Variants in LINGO2 observed in about 807,000 individuals in gnomAD.
LINGO2 encodes leucine-rich repeat and immunoglobulin-like domain-containing nogo receptor-interacting protein 2.
In LINGO2, 14 loss-of-function variants were observed where a neutral mutation model predicts 30.6. That is an observed-to-expected ratio of 0.46 (90% CI 0.30 to 0.72). The LOEUF is 0.72. Among genes scored for constraint, LINGO2 ranks in the 30% least tolerant of loss-of-function variants. LINGO2 has a pLI of 0.07. For synonymous variants in LINGO2, 317 were observed against 288.5 expected (o/e 1.10, Z -1.00); for missense variants, 729 against 751.7 (o/e 0.97, Z 0.35).
chr9:28,862,839 A>G, the LINGO2 span, among the ~76,000 whole-genome samples: 2 of 152,256 alleles, frequency 1.3e-5, no homozygotes, highest in Admixed American at 6.5e-5. Context: ...ATCAGTTATT[A>G]AAATAGTTAA....
chr9:27,952,518 T>C (rs1359608945), intron 5 of LINGO2, among the ~76,000 whole-genome samples: 1 of 151,910 alleles, frequency 6.6e-6, no homozygotes, highest in African/African-American at 2.4e-5. Context: ...TGAAAACACC[T>C]GCCATACAAT....
intron 4 of LINGO2, among the ~76,000 whole-genome samples, chr9:28,032,633 C>T (rs1823737655): frequency 6.6e-6 from 1 of 152,176 alleles, no homozygotes; most frequent in Non-Finnish European, 1.5e-5. Flanking sequence ...CACTGAGACC[C>T]AAAATGTTCA....
intron 4 of LINGO2, among the ~76,000 whole-genome samples, chr9:28,057,596 T>TATATACACATATATGTATATACATAG: frequency 6.8e-6 from 1 of 147,102 alleles, no homozygotes; most frequent in Admixed American, 6.9e-5. Flanking sequence ...TATATACATA[T>TATATACACATATATGTATATACATAG]ATATACACAT....
intron 4 of LINGO2, among the ~76,000 whole-genome samples, chr9:28,177,841 A>G (rs138409337): frequency 0.021 from 3,218 of 152,270 alleles, 68 homozygotes; most frequent in Middle Eastern, 0.037. Flanking sequence ...CAAATAGTGG[A>G]TGATTTAGAG....
chr9:28,567,128 A>C (rs548601647), intron 1 of LINGO2, among the ~76,000 whole-genome samples: 35 of 152,258 alleles, frequency 2.3e-4, no homozygotes, highest in African/African-American at 7.7e-4. Flanking sequence ...TTTTGCATTT[A>C]AAAAGGCAGC....
chr9:28,916,421 A>C, the LINGO2 span, among the ~76,000 whole-genome samples: 1 of 152,290 alleles, frequency 6.6e-6, no homozygotes, highest in Non-Finnish European at 1.5e-5. Flanking sequence ...TTCTCTCTGA[A>C]GCCGGCTACC....
intron 4 of LINGO2, among the ~76,000 whole-genome samples, chr9:28,131,767 C>A (rs1371569421): frequency 6.6e-6 from 1 of 152,122 alleles, no homozygotes; most frequent in Non-Finnish European, 1.5e-5. Context: ...AGTTCTTCAG[C>A]TGGAACAAAT....
At chr9:28,604,810 G>C (rs1187275113) in intron 1 of LINGO2, among the ~76,000 whole-genome samples, 3 of 151,952 alleles carry the variant, frequency 2.0e-5, no homozygotes, top group African/African-American at 7.2e-5. Context: ...TGTACATATA[G>C]AGAGACCTAA....
At chr9:28,762,947 C>A in the LINGO2 span, among the ~76,000 whole-genome samples, 2 of 152,104 alleles carry the variant, frequency 1.3e-5, no homozygotes, top group South Asian at 4.1e-4. Flanking sequence ...AGTTTAATTC[C>A]AAATTTTACC....
At chr9:27,994,580 T>C (rs1256269102) in intron 5 of LINGO2, among the ~76,000 whole-genome samples, 1 of 152,156 alleles carries the variant, frequency 6.6e-6, no homozygotes, top group Non-Finnish European at 1.5e-5. Flanking sequence ...TAAGAAGCCC[T>C]GTAATCATTC....
At chr9:28,032,479 G>A (rs774521841) in intron 4 of LINGO2, among the ~76,000 whole-genome samples, 1 of 152,148 alleles carries the variant, frequency 6.6e-6, no homozygotes, top group Non-Finnish European at 1.5e-5. Context: ...GGCAATCAAT[G>A]GTGAATCTAG....
At chr9:29,101,906 A>G in the LINGO2 span, among the ~76,000 whole-genome samples, 1 of 152,142 alleles carries the variant, frequency 6.6e-6, no homozygotes, top group Non-Finnish European at 1.5e-5. Context: ...ACAAAATGGT[A>G]TATGTGAAGA....
At chr9:28,140,209 T>C (rs143450121) in intron 4 of LINGO2, among the ~76,000 whole-genome samples, 2 of 152,308 alleles carry the variant, frequency 1.3e-5, no homozygotes, top group African/African-American at 4.8e-5. Flanking sequence ...ATGTACTCTG[T>C]AGACAGTGAG....
At chr9:28,565,916 A>T (rs1198648065) in intron 1 of LINGO2, among the ~76,000 whole-genome samples, 1 of 152,116 alleles carries the variant, frequency 6.6e-6, no homozygotes, top group East Asian at 1.9e-4. Context: ...TTGTCTTCTC[A>T]GACACTCTTG....
At chr9:28,651,304 T>G (rs1828093091) in intron 1 of LINGO2, among the ~76,000 whole-genome samples, 1 of 152,120 alleles carries the variant, frequency 6.6e-6, no homozygotes, top group Admixed American at 6.5e-5. Flanking sequence ...ACACAGAATA[T>G]ACTGTTATAG....
chr9:29,168,437 C>T, the LINGO2 span, among the ~76,000 whole-genome samples: 1 of 152,170 alleles, frequency 6.6e-6, no homozygotes. Flanking sequence ...TCATAGGAAT[C>T]ACACCCACAC....
chr9:28,066,171 A>G (rs879171665), intron 4 of LINGO2, among the ~76,000 whole-genome samples: 2 of 152,124 alleles, frequency 1.3e-5, no homozygotes, highest in Admixed American at 1.3e-4. Context: ...TAAGCCAATG[A>G]TAACTGCTGA....
At chr9:28,994,790 T>G in the LINGO2 span, among the ~76,000 whole-genome samples, 1 of 151,966 alleles carries the variant, frequency 6.6e-6, no homozygotes, top group African/African-American at 2.4e-5. Flanking sequence ...ATTTAATAAA[T>G]GGTCCTGGGA....
At chr9:28,280,658 C>T (rs73645626) in intron 4 of LINGO2, among the ~76,000 whole-genome samples, 1,895 of 152,128 alleles carry the variant, frequency 0.012, 34 homozygotes, top group African/African-American at 0.044. Flanking sequence ...TCAGTATACT[C>T]TGAATGGTTG....
Sources: allele counts gnomAD v4.1 joint callset (sites outside exome capture counted in the v4.1 genomes callset), GRCh38; gene constraint gnomAD v4.1.1; transcripts MANE v1.5; gene names NCBI Gene and HGNC (gene_info 2026-07-23, HGNC 2026-07-21).